The following TCAIM variants were observed in gnomAD, a reference collection of about 807,000 sequenced individuals.
TCAIM encodes T cell activation inhibitor, mitochondrial.
Under a neutral mutation model 58.6 loss-of-function variants are expected in TCAIM, and 36 were observed. That is an observed-to-expected ratio of 0.61 (90% confidence interval 0.47 to 0.81). The LOEUF (loss-of-function observed/expected upper bound fraction) is 0.81, where lower values mean the gene tolerates loss of function less well. Among genes scored for constraint, TCAIM ranks in the 30% least tolerant of loss-of-function variants. The probability of loss-of-function intolerance (pLI) is 0.00; values close to 1 mark genes in which losing one functional copy is unlikely to be tolerated. For missense variants in TCAIM, 466 were observed against 579.6 expected, an observed-to-expected ratio of 0.80 and a Z score of 2.01; for synonymous variants, 172 against 193.6, an observed-to-expected ratio of 0.89 and a Z score of 0.93.
chr3:44,342,674 G>A (rs1700877634), intron 1 of TCAIM, among the ~76,000 whole-genome samples: 1 of 151,396 alleles, frequency 6.6e-6, no homozygotes, highest in South Asian at 2.1e-4. Flanking sequence ...GAAATACCAG[G>A]AGATTTTTTT....
intron 4 of TCAIM, chr3:44,362,531 A>C (rs1701309412): frequency 5.0e-6 from 2 of 400,148 alleles, no homozygotes; most frequent in African/African-American, 4.1e-5. Flanking sequence ...ATGATCTCTT[A>C]CCTTTTATTT....
intron 6 of TCAIM, 110 bp from the exon 7 acceptor site, chr3:44,396,290 C>CTT (rs2125654231): frequency 1.2e-6 from 1 of 817,926 alleles, no homozygotes; most frequent in South Asian, 1.9e-5. Flanking sequence ...TATGTGTGTG[C>CTT]TTCAAAAAGA....
chr3:44,339,841 C>A (rs185146946), intron 1 of TCAIM: 1 of 152,144 alleles, frequency 6.6e-6, no homozygotes, highest in African/African-American at 2.4e-5. Context: ...TTTTACACTC[C>A]CCCCTCCCTC....
At position 44,389,688 on chromosome 3, in the gene TCAIM, G is replaced by A. The variant is rs149985019; in HGVS notation, c.573-3167G>A. 9.7e-3 allele frequency among the ~76,000 whole-genome samples: 1,468 copies of A among 151,464 alleles called. 10 individuals carry two copies. The highest frequency in any genetic ancestry group is 0.02 in the Middle Eastern group (6 of 294). On this transcript the variant is annotated intron_variant, in intron 5 of 10. Transcript: ENST00000342649. ...CATGCAGAAGTGACAAAATGTTTAC[G>A]AATATTCTTAAAGAGGGTATAGGAA... is the stretch of plus-strand genomic sequence containing the variant.
At chr3:44,393,087 G>A (rs1427593559) in intron 6 of TCAIM, 110 bp downstream of exon 6, 1 of 860,950 alleles carries the variant, frequency 1.2e-6, no homozygotes, top group South Asian at 1.7e-5. Flanking sequence ...TGATAACTGA[G>A]TACTCTTCAA....
intron 1 of TCAIM, among the ~76,000 whole-genome samples, chr3:44,353,379 G>A (rs1701131290): frequency 6.6e-6 from 1 of 152,182 alleles, no homozygotes; most frequent in African/African-American, 2.4e-5. Flanking sequence ...TAAAGCCTCT[G>A]TAAACACCTG....
At position 44,392,865 on chromosome 3, in the gene TCAIM, G is replaced by A. The variant is rs1575274176; in HGVS notation, c.583G>A (p.Asp195Asn). 6.2e-7 allele frequency: 1 copy of A among 1,612,790 alleles called. No homozygotes were observed. The highest frequency in any genetic ancestry group is 8.5e-7 in the Non-Finnish European group (1 of 1,179,232). ...TCTCTCTCTTTCTAGATCCTGGTTA[G>A]ATAACAATGGGAAAAGTGCTGTTAA... ...RVETTLTSWL[D>N]NNGKSAVKKL... The change falls in exon 6 of 11, where the codon GAT becomes AAT. Residue 195 changes from aspartate (D) to asparagine (N), a missense_variant. Coordinates refer to ENST00000342649, the MANE Select transcript of TCAIM (RefSeq NM_173826.4).
chr3:44,367,151 T>C lies in TCAIM; in HGVS notation c.320-305T>C, dbSNP rs141411118. On this transcript the variant is annotated intron_variant, in intron 4 of 10. Coordinates refer to ENST00000342649, the MANE Select transcript of TCAIM (RefSeq NM_173826.4). ...TTTATCGACAGAATTGAGAATATTC[T>C]AAATCCCCTTGGTGGGCTGGGATGG... Among the ~76,000 whole-genome samples the C allele has an allele frequency of 8.1e-4, 123 of 152,336 alleles. 1 individual carries two copies. The highest frequency in any genetic ancestry group is 1.4e-3 in the Non-Finnish European group (93 of 68,028).
chr3:44,400,785 C>A, intron 9 of TCAIM, 198 bp downstream of exon 9: 1 of 587,602 alleles, frequency 1.7e-6, no homozygotes. Context: ...ATGTCTAGAA[C>A]ATTCTTTGAA....
At chr3:44,352,349 G>A (rs1031510197) in intron 1 of TCAIM, among the ~76,000 whole-genome samples, 4 of 152,124 alleles carry the variant, frequency 2.6e-5, no homozygotes, top group Non-Finnish European at 4.4e-5. Flanking sequence ...AAATCATTTG[G>A]TCAGTTGATA....
intron 5 of TCAIM, among the ~76,000 whole-genome samples, chr3:44,383,300 CA>C (rs1457540839): frequency 6.6e-6 from 1 of 152,130 alleles, no homozygotes; most frequent in African/African-American, 2.4e-5. Context: ...GGAAGCAACC[CA>C]AGTGTCCATC....
At chr3:44,400,686 T>TA in intron 9 of TCAIM, 99 bp downstream of exon 9, 1 of 1,056,672 alleles carries the variant, frequency 9.5e-7, no homozygotes, top group African/African-American at 1.6e-5. Context: ...GGGTAGTTCT[T>TA]AGGAATTAAA....
intron 5 of TCAIM, among the ~76,000 whole-genome samples, chr3:44,376,784 A>G (rs1237941706): frequency 6.6e-6 from 1 of 152,210 alleles, no homozygotes; most frequent in Admixed American, 6.5e-5. Flanking sequence ...ATACTGGCAG[A>G]GTGAATTTAA....
At chr3:44,402,912 G>A (rs779992654) in intron 10 of TCAIM, among the ~76,000 whole-genome samples, 4 of 152,034 alleles carry the variant, frequency 2.6e-5, no homozygotes, top group Admixed American at 6.6e-5. Flanking sequence ...CAGTTCTCCC[G>A]CCTTACCGTT....
intron 10 of TCAIM, among the ~76,000 whole-genome samples, chr3:44,405,125 G>T (rs989651780): frequency 6.6e-6 from 1 of 152,114 alleles, no homozygotes; most frequent in African/African-American, 2.4e-5. Context: ...TCCTTTGGAG[G>T]CTGGTGATAA....
At chr3:44,365,266 G>A (rs1034240528) in intron 4 of TCAIM, among the ~76,000 whole-genome samples, 3 of 152,066 alleles carry the variant, frequency 2.0e-5, no homozygotes, top group African/African-American at 4.8e-5. Flanking sequence ...TCATAAGTTG[G>A]TGTGGCAAGT....
intron 5 of TCAIM, among the ~76,000 whole-genome samples, chr3:44,374,434 T>TA (rs1469696368): frequency 6.6e-6 from 1 of 152,170 alleles, no homozygotes; most frequent in East Asian, 1.9e-4. Context: ...AAATATTTCT[T>TA]ACCATGTGTT....
chr3:44,370,455 CAAA>C (rs60988313), intron 5 of TCAIM, among the ~76,000 whole-genome samples: 2 of 88,282 alleles, frequency 2.3e-5, no homozygotes, highest in Admixed American at 1.2e-4. Flanking sequence ...GACTCTGTCT[CAAA>C]AAAAAAAAAA....
chr3:44,377,580 C>G (rs967359414), intron 5 of TCAIM, among the ~76,000 whole-genome samples: 1 of 152,164 alleles, frequency 6.6e-6, no homozygotes, highest in Non-Finnish European at 1.5e-5. Flanking sequence ...ACATTCTTCT[C>G]GAGTCCACAT....
Sources: gnomAD v4.1 joint callset for allele counts (sites outside exome capture counted in the v4.1 genomes callset) on GRCh38, gnomAD v4.1.1 for gene constraint, MANE v1.5 for transcripts, NCBI Gene and HGNC (gene_info 2026-07-23, HGNC 2026-07-21) for gene names.